Variants in IL4I1 observed in about 807,000 individuals in gnomAD.
The protein encoded by IL4I1 is L-amino-acid oxidase.
A neutral mutation model predicts 29.7 loss-of-function variants in IL4I1; 24 were observed. The observed-to-expected ratio is 0.81, with a 90% CI of 0.59 to 1.14. The LOEUF (loss-of-function observed/expected upper bound fraction) is 1.14. IL4I1 is among the 50% of genes most tolerant of loss of function. The pLI, the probability that IL4I1 is intolerant of heterozygous loss-of-function variation, is 0.00. For synonymous variants in IL4I1, 371 were observed against 352.5 expected (o/e 1.05, Z -0.59); for missense variants, 686 against 785.6 (o/e 0.87, Z 1.52).
intron 2 of IL4I1, among the ~76,000 whole-genome samples, chr19:49,924,748 G>C (rs1420309065): frequency 1.3e-5 from 2 of 152,216 alleles, no homozygotes; most frequent in Non-Finnish European, 2.9e-5. Context: ...GAACAGGCTG[G>C]GAGGGGCTGG....
intron 3 of IL4I1, among the ~76,000 whole-genome samples, 171 bp downstream of exon 3, chr19:49,895,642 CAT>C (rs1186437433): frequency 6.6e-6 from 1 of 152,266 alleles, no homozygotes; most frequent in Non-Finnish European, 1.5e-5. Flanking sequence ...TCAGTGGAGA[CAT>C]GTGACAGCAG....
chr19:49,893,230 C>A (rs1003258408), intron 5 of IL4I1, among the ~76,000 whole-genome samples: 1 of 151,936 alleles, frequency 6.6e-6, no homozygotes, highest in Non-Finnish European at 1.5e-5. Context: ...TGTGGGAAGA[C>A]GTTTCTGGTA....
rs1337331097 is a variant in IL4I1 at position 49,890,519 on chromosome 19, C to G, written c.855G>C (p.Ala285=). The G allele has an allele frequency of 1.9e-6, 3 of 1,609,770 alleles. No individual in the cohort carries two copies. The East Asian group carries it at 6.7e-5, about 36-fold the overall frequency. The change falls in exon 8 of 8, where the codon GCG becomes GCC. Residue 285 remains alanine (A), a synonymous_variant. Coordinates refer to ENST00000391826, the MANE Select transcript of IL4I1 (RefSeq NM_152899.2). ...GTCCCTGGGTCATCGCCACCACGGG[C>G]GCGTTCAACAGCACAAGCCCGGACA... ...SSLSGLVLLN[A]PVVAMTQGPH...
At chr19:49,903,818 T>C (rs2075291164) in intron 3 of IL4I1, among the ~76,000 whole-genome samples, 1 of 150,480 alleles carries the variant, frequency 6.6e-6, no homozygotes, top group South Asian at 2.1e-4. Flanking sequence ...ATTATACTGT[T>C]ATATGTGCTG....
chr19:49,901,873 C>T (rs1014730332), upstream of IL4I1: 1 of 487,788 alleles, frequency 2.1e-6, no homozygotes, highest in Non-Finnish European at 3.6e-6. Context: ...TGGAAACTTT[C>T]AAACATCTAA....
chr19:49,912,039 G>C (rs79290557), intron 2 of IL4I1, among the ~76,000 whole-genome samples: 2 of 152,146 alleles, frequency 1.3e-5, no homozygotes, highest in African/African-American at 2.4e-5. Flanking sequence ...GCTTAAAAAA[G>C]CTTTTGCTAT....
intron 2 of IL4I1, among the ~76,000 whole-genome samples, chr19:49,905,692 G>T (rs2075313218): frequency 6.6e-6 from 1 of 152,146 alleles, no homozygotes. Flanking sequence ...CACCTCTCGG[G>T]TTCAAGCGAT....
intron 2 of IL4I1, among the ~76,000 whole-genome samples, chr19:49,906,580 C>G (rs902213858): frequency 5.3e-5 from 8 of 152,224 alleles, no homozygotes; most frequent in African/African-American, 1.7e-4. Flanking sequence ...GGCGGCTTCA[C>G]TCGTGTGTTC....
At chr19:49,926,769 A>G (rs2075901302) in intron 2 of IL4I1, among the ~76,000 whole-genome samples, 1 of 152,148 alleles carries the variant, frequency 6.6e-6, no homozygotes. Flanking sequence ...ACTTTTATGC[A>G]GCACCTACTG....
chr19:49,914,351 G>A (rs2075563702), intron 2 of IL4I1, among the ~76,000 whole-genome samples: 2 of 152,202 alleles, frequency 1.3e-5, no homozygotes, highest in Admixed American at 6.5e-5. Flanking sequence ...TCCAGGGAAA[G>A]GAGGAGGGTA....
At position 49,909,472 on chromosome 19, in the gene IL4I1, G is replaced by A. The variant is rs201789349; in HGVS notation, c.-227-5151C>T. ...GGTTGCTGCTGCCCAGCCCAAAGCC[G>A]CTGGGGTTTGCCATGGCTGGGGTGG... is the stretch of plus-strand genomic sequence containing the variant. On this transcript the variant is annotated intron_variant, in intron 2 of 9. Transcript: ENST00000341114. 3.4e-5 allele frequency: 55 copies of A among 1,614,166 alleles called. No homozygotes were observed. The East Asian group carries it at 9.4e-4, about 27-fold the overall frequency.
At position 49,895,846 on chromosome 19, in the gene IL4I1, G is replaced by A. The variant is rs2075200766; in HGVS notation, c.221C>T (p.Ala74Val). The A allele has an allele frequency of 6.2e-7, 1 of 1,613,982 alleles. No individual in the cohort carries two copies. The highest frequency in any genetic ancestry group is 8.5e-7 in the Non-Finnish European group (1 of 1,180,018). The change falls in exon 3 of 8, where the codon GCC becomes GTC. Residue 74 changes from alanine (A) to valine (V), a missense_variant. Ala to Val is a moderately conservative substitution (Grantham distance 64). Transcript: ENST00000391826. ...TCCAGCATCGCTGAGCACCTTGGCG[G>A]CCACCAGCCCGGCCACACCAGCGCC... ...VVGAGVAGLV[A>V]AKVLSDAGHK... is the part of the protein sequence containing the mutation.
At chr19:49,902,592 C>T (rs1236235798) in intron 3 of IL4I1, among the ~76,000 whole-genome samples, 1 of 152,076 alleles carries the variant, frequency 6.6e-6, no homozygotes, top group East Asian at 1.9e-4. Context: ...CTTTGGGAGG[C>T]CGAGGTGAGC....
At chr19:49,890,633 A>C (rs1438669219) in intron 7 of IL4I1, 33 bp from the exon 8 acceptor site, 1 of 1,461,126 alleles carries the variant, frequency 6.8e-7, no homozygotes, top group South Asian at 1.4e-5. Flanking sequence ...TGGGGGCGTG[A>C]CCTGGGCTCT....
At chr19:49,904,912 G>C (rs769042035) in intron 2 of IL4I1, among the ~76,000 whole-genome samples, 3 of 152,028 alleles carry the variant, frequency 2.0e-5, no homozygotes, top group Admixed American at 6.5e-5. Context: ...GGGTTTCACC[G>C]TGTTAGCCAG....
At chr19:49,895,719 AC>A in intron 3 of IL4I1, 95 bp downstream of exon 3, 2 of 541,580 alleles carry the variant, frequency 3.7e-6, no homozygotes, top group Admixed American at 4.5e-5. Context: ...CCCCACCTCC[AC>A]CCCCTCAAGG....
chr19:49,909,000 T>C, intron 2 of IL4I1: 1 of 1,612,078 alleles, frequency 6.2e-7, no homozygotes, highest in Non-Finnish European at 8.5e-7. Flanking sequence ...GTGGATGTTG[T>C]TGTGGAGGTG....
chr19:49,915,183 C>A (rs2075593544), intron 2 of IL4I1, among the ~76,000 whole-genome samples: 1 of 152,042 alleles, frequency 6.6e-6, no homozygotes. Flanking sequence ...AAAACGGCCC[C>A]CAAACATGCC....
intron 1 of IL4I1, among the ~76,000 whole-genome samples, 171 bp downstream of exon 1, chr19:49,896,664 C>G (rs2075215180): frequency 6.6e-6 from 1 of 152,028 alleles, no homozygotes; most frequent in African/African-American, 2.4e-5. Context: ...GAACTCCTGA[C>G]CTTAGGTGAT....
Sources: allele counts gnomAD v4.1 joint callset (sites outside exome capture counted in the v4.1 genomes callset), GRCh38; gene constraint gnomAD v4.1.1; transcripts MANE v1.5; gene names NCBI Gene and HGNC (gene_info 2026-07-23, HGNC 2026-07-21).